The following LRP1B variants were observed in gnomAD, a reference collection of about 807,000 sequenced individuals.
LRP1B encodes the protein LDL receptor related protein 1B.
LRP1B carries 217 observed loss-of-function variants against 556.6 expected under a neutral mutation model. The ratio of observed to expected loss-of-function variants is 0.39; its 90% CI spans 0.35 to 0.44. The LOEUF (loss-of-function observed/expected upper bound fraction) is 0.44, where lower values mean the gene tolerates loss of function less well. Ranked by LOEUF, LRP1B falls within the 20% of genes least tolerant of loss-of-function variation. LRP1B has a pLI of 1.00. For missense variants in LRP1B, 5,053 were observed against 5,620.8 expected (o/e 0.90, Z 3.23); for synonymous variants, 2,047 against 1,865.8 (o/e 1.10, Z -2.50).
At chr2:140,453,167 T>C (rs1686953038) in intron 62 of LRP1B, among the ~76,000 whole-genome samples, 1 of 151,900 alleles carries the variant, frequency 6.6e-6, no homozygotes, top group African/African-American at 2.4e-5. Flanking sequence ...CTAAATTGTA[T>C]GTATTTTTAA....
chr2:141,575,228 A>AACCAAAACAGCATGGTATTGGT (rs1379258157), intron 2 of LRP1B, among the ~76,000 whole-genome samples: 1 of 152,234 alleles, frequency 6.6e-6, no homozygotes, highest in Non-Finnish European at 1.5e-5. Context: ...AGGCTACAGT[A>AACCAAAACAGCATGGTATTGGT]ACCAAAACAG....
chr2:142,049,258 T>A (rs1055500706), intron 1 of LRP1B, among the ~76,000 whole-genome samples: 5 of 152,140 alleles, frequency 3.3e-5, no homozygotes, highest in Admixed American at 1.3e-4. Flanking sequence ...ATGCAATGCA[T>A]GAAGTTTTCT....
intron 1 of LRP1B, among the ~76,000 whole-genome samples, chr2:142,096,241 C>A (rs937150940): frequency 2.6e-5 from 4 of 151,758 alleles, no homozygotes; most frequent in African/African-American, 9.6e-5. Context: ...AATCCAGCCT[C>A]CTTGTTCTCA....
chr2:141,125,855 A>AAC (rs1553463703), intron 7 of LRP1B, among the ~76,000 whole-genome samples: 40 of 149,828 alleles, frequency 2.7e-4, no homozygotes, highest in African/African-American at 8.6e-4. Flanking sequence ...AAAAAAAAAA[A>AAC]AAAAAACAAA....
At chr2:140,384,550 T>C (rs1029418363) in intron 67 of LRP1B, among the ~76,000 whole-genome samples, 1 of 152,158 alleles carries the variant, frequency 6.6e-6, no homozygotes, top group Non-Finnish European at 1.5e-5. Context: ...GTTATAAAAG[T>C]TTCTATATTC....
At chr2:141,953,804 C>T (rs1291842988) in intron 1 of LRP1B, among the ~76,000 whole-genome samples, 1 of 152,094 alleles carries the variant, frequency 6.6e-6, no homozygotes, top group Non-Finnish European at 1.5e-5. Context: ...TTCATGTATT[C>T]ATGCAAGATG....
chr2:140,530,520 G>GTACTC (rs1318825365), intron 47 of LRP1B, among the ~76,000 whole-genome samples: 11 of 152,134 alleles, frequency 7.2e-5, no homozygotes, highest in African/African-American at 2.6e-4. Context: ...ATCTTGAAAG[G>GTACTC]TACTCTACAA....
chr2:141,359,719 G>A (rs1573854457), intron 3 of LRP1B, among the ~76,000 whole-genome samples: 2 of 152,128 alleles, frequency 1.3e-5, no homozygotes, highest in African/African-American at 4.8e-5. Flanking sequence ...TCGTGCCACC[G>A]CACTCCAGCC....
intron 2 of LRP1B, among the ~76,000 whole-genome samples, chr2:141,806,516 A>G (rs754415866): frequency 1.4e-4 from 22 of 152,022 alleles, no homozygotes; most frequent in Non-Finnish European, 2.6e-4. Context: ...AAATTTTCCA[A>G]TTGTGTATTT....
At chr2:141,002,224 A>G (rs1697445305) in intron 15 of LRP1B, among the ~76,000 whole-genome samples, 1 of 132,750 alleles carries the variant, frequency 7.5e-6, no homozygotes, top group South Asian at 2.8e-4. Context: ...TTCCATTACT[A>G]AAGAAAAAAA....
At chr2:140,789,058 A>T (rs1462728685) in intron 32 of LRP1B, among the ~76,000 whole-genome samples, 4 of 152,164 alleles carry the variant, frequency 2.6e-5, no homozygotes, top group Middle Eastern at 3.2e-3. Context: ...ATTGTTTAAG[A>T]TACCCAGCTT....
At chr2:142,015,019 T>A (rs1235804062) in intron 1 of LRP1B, among the ~76,000 whole-genome samples, 1 of 152,214 alleles carries the variant, frequency 6.6e-6, no homozygotes, top group East Asian at 1.9e-4. Flanking sequence ...AAATCCTTTT[T>A]TAAATAAAAT....
intron 10 of LRP1B, among the ~76,000 whole-genome samples, chr2:141,052,372 C>A (rs1574024194): frequency 6.6e-6 from 1 of 151,776 alleles, no homozygotes; most frequent in African/African-American, 2.4e-5. Context: ...TATATAAATT[C>A]TTTTTACTGT....
intron 2 of LRP1B, among the ~76,000 whole-genome samples, chr2:141,673,427 T>A (rs1690749083): frequency 6.6e-6 from 1 of 152,178 alleles, no homozygotes; most frequent in African/African-American, 2.4e-5. Flanking sequence ...GACTTGTGTC[T>A]TCCCTCAATT....
At chr2:140,370,514 A>G (rs1229932465) in intron 71 of LRP1B, among the ~76,000 whole-genome samples, 196 bp downstream of exon 71, 1 of 151,958 alleles carries the variant, frequency 6.6e-6, no homozygotes, top group Non-Finnish European at 1.5e-5. Flanking sequence ...TCATGCCCAG[A>G]TTGGGATTAT....
chr2:141,505,292 C>T (rs753516218), intron 2 of LRP1B, among the ~76,000 whole-genome samples: 24 of 151,798 alleles, frequency 1.6e-4, no homozygotes, highest in Non-Finnish European at 5.9e-5. Flanking sequence ...ATTTGTAAGT[C>T]TCAGCAAATC....
intron 2 of LRP1B, among the ~76,000 whole-genome samples, chr2:141,759,864 G>T (rs536789581): frequency 2.0e-5 from 3 of 152,008 alleles, no homozygotes; most frequent in African/African-American, 4.8e-5. Flanking sequence ...GAATATTGGC[G>T]AGGCACCTGT....
intron 1 of LRP1B, among the ~76,000 whole-genome samples, chr2:141,879,659 T>TG (rs1553478573): frequency 7.9e-5 from 12 of 151,620 alleles, no homozygotes; most frequent in African/African-American, 2.7e-4. Flanking sequence ...GGCCATGACT[T>TG]CAGATACAGT....
At chr2:140,579,699 G>T (rs774372517) in intron 43 of LRP1B, among the ~76,000 whole-genome samples, 5 of 151,986 alleles carry the variant, frequency 3.3e-5, no homozygotes, top group Non-Finnish European at 7.4e-5. Flanking sequence ...AAAATCAGCC[G>T]GGCGTGATAG....
Sources: allele counts gnomAD v4.1 joint callset (sites outside exome capture counted in the v4.1 genomes callset), GRCh38; gene constraint gnomAD v4.1.1; transcripts MANE v1.5; gene names NCBI Gene and HGNC (gene_info 2026-07-23, HGNC 2026-07-21).